Variants in ADGRB3 observed in about 807,000 individuals in gnomAD.
ADGRB3 encodes adhesion G protein-coupled receptor B3.
ADGRB3 carries 37 observed loss-of-function variants against 193.4 expected under a neutral mutation model. That is an observed-to-expected ratio of 0.19 (90% confidence interval 0.15 to 0.25). ADGRB3 has a LOEUF of 0.25. Ranked by LOEUF, ADGRB3 falls within the 10% of genes least tolerant of loss-of-function variation. The pLI is 1.00. For synonymous variants in ADGRB3, 690 were observed against 644.2 expected, an observed-to-expected ratio of 1.07 and a Z score of -1.08; for missense variants, 1,637 against 1,852.9, an observed-to-expected ratio of 0.88 and a Z score of 2.14.
intron 3 of ADGRB3, among the ~76,000 whole-genome samples, chr6:68,794,301 T>A (rs756636007): frequency 1.3e-5 from 2 of 151,896 alleles, no homozygotes; most frequent in Non-Finnish European, 2.9e-5. Context: ...TCTTAATATT[T>A]TGAATATATA....
At chr6:69,220,811 A>G (rs1326668486) in intron 17 of ADGRB3, among the ~76,000 whole-genome samples, 1 of 152,136 alleles carries the variant, frequency 6.6e-6, no homozygotes, top group Non-Finnish European at 1.5e-5. Flanking sequence ...GATAGAGTAT[A>G]TATTTATTTA....
rs537289726 is a variant in ADGRB3, at chr6:68,741,994, A to C, written c.757+102562A>C. ...TTTGAACACAAGTTTCTGTGTTAAA[A>C]ATGCAAAGAACTGAATGTTCATATA... On this transcript the variant is annotated intron_variant, in intron 3 of 31. Transcript: ENST00000370598. 2.6e-3 allele frequency among the ~76,000 whole-genome samples: 395 copies of C among 152,346 alleles called. 1 individual carries two copies. Among genetic ancestry groups the C allele is most frequent in the Non-Finnish European group, 3.8e-3 (259 of 68,024 alleles).
intron 26 of ADGRB3, among the ~76,000 whole-genome samples, chr6:69,344,511 C>T (rs567409856): frequency 6.6e-6 from 1 of 152,264 alleles, no homozygotes; most frequent in South Asian, 2.1e-4. Context: ...AGCATCCTTA[C>T]CTGTCTAATC....
At chr6:68,914,280 G>A (rs2150238994) in intron 3 of ADGRB3, among the ~76,000 whole-genome samples, 1 of 151,788 alleles carries the variant, frequency 6.6e-6, no homozygotes, top group East Asian at 1.9e-4. Context: ...AAAATGTTAA[G>A]GGCAGCCAGA....
intron 8 of ADGRB3, among the ~76,000 whole-genome samples, chr6:68,960,415 A>G (rs1269433222): frequency 6.6e-6 from 1 of 152,194 alleles, no homozygotes; most frequent in Non-Finnish European, 1.5e-5. Flanking sequence ...GGGCAGCCGT[A>G]GTGTTGGTAA....
At chr6:69,147,048 T>C (rs1294738946) in intron 17 of ADGRB3, among the ~76,000 whole-genome samples, 1 of 152,028 alleles carries the variant, frequency 6.6e-6, no homozygotes, top group African/African-American at 2.4e-5. Flanking sequence ...CTCTCATTTG[T>C]TCTTAGTCTG....
At chr6:69,052,140 G>A (rs374727000) in intron 15 of ADGRB3, among the ~76,000 whole-genome samples, 42 of 152,092 alleles carry the variant, frequency 2.8e-4, no homozygotes, top group East Asian at 1.4e-3. Context: ...TGCCCGCCTC[G>A]GCCTCCCAAA....
At chr6:68,873,030 A>C (rs557286462) in intron 3 of ADGRB3, among the ~76,000 whole-genome samples, 5 of 152,102 alleles carry the variant, frequency 3.3e-5, no homozygotes, top group Non-Finnish European at 7.4e-5. Flanking sequence ...GAGTGGCTAC[A>C]TTCTTCTCCA....
intron 15 of ADGRB3, among the ~76,000 whole-genome samples, chr6:69,053,997 T>C (rs1015985777): frequency 4.6e-5 from 7 of 152,172 alleles, no homozygotes; most frequent in African/African-American, 1.7e-4. Context: ...GTTCTGAGTA[T>C]GTGAGCAGTA....
intron 3 of ADGRB3, among the ~76,000 whole-genome samples, chr6:68,774,840 T>G (rs180769842): frequency 2.0e-5 from 3 of 152,044 alleles, no homozygotes; most frequent in African/African-American, 7.2e-5. Context: ...ATCACAGAAA[T>G]AAACACATTT....
chr6:69,119,043 C>T (rs998323175), intron 17 of ADGRB3, among the ~76,000 whole-genome samples: 1 of 152,152 alleles, frequency 6.6e-6, no homozygotes, highest in Admixed American at 6.5e-5. Flanking sequence ...CTTTACATTA[C>T]AGATTTCTCA....
chr6:68,724,625 A>G (rs1765641057), intron 3 of ADGRB3, among the ~76,000 whole-genome samples: 1 of 151,444 alleles, frequency 6.6e-6, no homozygotes, highest in South Asian at 2.1e-4. Flanking sequence ...TTTGATTTTT[A>G]GAGATGTGAT....
intron 3 of ADGRB3, among the ~76,000 whole-genome samples, chr6:68,811,366 T>A (rs1767509142): frequency 6.6e-6 from 1 of 152,200 alleles, no homozygotes; most frequent in African/African-American, 2.4e-5. Flanking sequence ...ATAAGCAATA[T>A]GATAACAAAA....
chr6:68,800,094 G>A lies in ADGRB3; in HGVS notation c.758-130465G>A, dbSNP rs149506360. ...ACCCAGAGAGACTTGAAAAACCACT[G>A]CAGCGGTTTATGAGGGATATCATGG... On this transcript the variant is annotated intron_variant, in intron 3 of 31. Coordinates refer to ENST00000370598, the MANE Select transcript of ADGRB3 (RefSeq NM_001704.3). 2.3e-3 allele frequency among the ~76,000 whole-genome samples: 353 copies of A among 152,244 alleles called. 1 individual carries two copies. Among genetic ancestry groups the A allele is most frequent in the African/African-American group, 8.1e-3 (336 of 41,548 alleles).
chr6:68,858,406 A>C lies in ADGRB3; in HGVS notation c.758-72153A>C, dbSNP rs759693184. ...GTAATCCCAGCTACTCGAGAGGCTA[A>C]GGCAGGAGAATTGTGTGAACTCAGG... On this transcript the variant is annotated intron_variant, in intron 3 of 31. Transcript: ENST00000370598. Among the ~76,000 whole-genome samples the C allele has an allele frequency of 4.4e-4, 66 of 151,172 alleles. 1 individual carries two copies. Among genetic ancestry groups the C allele is most frequent in the Non-Finnish European group, 6.8e-4 (46 of 67,896 alleles).
At chr6:69,005,223 G>A (rs1394357566) in intron 11 of ADGRB3, among the ~76,000 whole-genome samples, 2 of 151,394 alleles carry the variant, frequency 1.3e-5, no homozygotes, top group East Asian at 1.9e-4. Context: ...AGGCAATACT[G>A]AGCTCATGCC....
At chr6:68,844,356 G>A (rs1269805970) in intron 3 of ADGRB3, among the ~76,000 whole-genome samples, 1 of 152,058 alleles carries the variant, frequency 6.6e-6, no homozygotes, top group Admixed American at 6.6e-5. Flanking sequence ...ATTTAAAAAT[G>A]GGTAAAAGAT....
At chr6:69,014,877 GGTTT>G (rs922685759) in intron 12 of ADGRB3, among the ~76,000 whole-genome samples, 2 of 151,806 alleles carry the variant, frequency 1.3e-5, no homozygotes, top group African/African-American at 4.8e-5. Flanking sequence ...CTGAGGTTCG[GGTTT>G]TCCCTTTATA....
intron 17 of ADGRB3, among the ~76,000 whole-genome samples, chr6:69,180,610 C>A (rs1561944185): frequency 6.6e-6 from 1 of 152,210 alleles, no homozygotes; most frequent in Non-Finnish European, 1.5e-5. Flanking sequence ...GCAACAATGA[C>A]ATACACAGAC....
Sources: allele counts gnomAD v4.1 joint callset (sites outside exome capture counted in the v4.1 genomes callset), GRCh38; gene constraint gnomAD v4.1.1; transcripts MANE v1.5; gene names NCBI Gene and HGNC (gene_info 2026-07-23, HGNC 2026-07-21).